The following HTR4 variants were observed in gnomAD, a reference collection of about 807,000 sequenced individuals.
HTR4 encodes 5-hydroxytryptamine receptor 4, also known as 5-hydroxytryptamine (serotonin) receptor 4, G protein-coupled.
In HTR4, 16 loss-of-function variants were observed where a neutral mutation model predicts 36.8. That is an observed-to-expected ratio of 0.43 (90% CI 0.29 to 0.66). HTR4 has a LOEUF of 0.66. Ranked by LOEUF, HTR4 falls within the 30% of genes least tolerant of loss-of-function variation. HTR4 has a pLI of 0.13. For missense variants in HTR4, 438 were observed against 490.9 expected (o/e 0.89, Z 1.02); for synonymous variants, 189 against 185.1 (o/e 1.02, Z -0.17).
intron 2 of HTR4, among the ~76,000 whole-genome samples, chr5:148,553,472 T>C (rs1759794018): frequency 6.6e-6 from 1 of 152,194 alleles, no homozygotes; most frequent in Non-Finnish European, 1.5e-5. Flanking sequence ...GAGTTGCAGC[T>C]TGGATAGAGA....
chr5:148,547,035 T>C (rs954799260), intron 4 of HTR4, among the ~76,000 whole-genome samples: 10 of 152,182 alleles, frequency 6.6e-5, no homozygotes, highest in Non-Finnish European at 1.0e-4. Flanking sequence ...TCATTATACA[T>C]GCATTTAACT....
chr5:148,522,809 C>T (rs982546463), intron 5 of HTR4, among the ~76,000 whole-genome samples: 1 of 152,114 alleles, frequency 6.6e-6, no homozygotes, highest in African/African-American at 2.4e-5. Context: ...TAGCAGGGCT[C>T]TTGCTGAAGA....
At chr5:148,487,571 G>A (rs901390332) in intron 6 of HTR4, among the ~76,000 whole-genome samples, 7 of 152,204 alleles carry the variant, frequency 4.6e-5, no homozygotes, top group African/African-American at 1.7e-4. Context: ...GAGGGCAGGA[G>A]TGAGCCAGAG....
At chr5:148,474,394 TC>T (rs1404740498), downstream of HTR4, among the ~76,000 whole-genome samples, 1 of 152,050 alleles carries the variant, frequency 6.6e-6, no homozygotes, top group Non-Finnish European at 1.5e-5. Context: ...GGCATATGGG[TC>T]CCTATTTGTA....
chr5:148,523,353 A>C lies in HTR4; in HGVS notation c.354-7T>G, dbSNP rs756106837. The C allele has an allele frequency of 6.2e-7, 1 of 1,604,328 alleles. No individual in the cohort carries two copies. The highest frequency in any genetic ancestry group is 8.5e-7 in the Non-Finnish European group (1 of 1,176,322). ...GCAGCAGATGGCGTAATACCTGGAG[A>C]GAGAATAGAGGGCAGAGCATAGGCA... On this transcript the variant is annotated splice_polypyrimidine_tract_variant and splice_region_variant and intron_variant, in intron 4 of 6. Transcript: ENST00000377888.
In HTR4 at chr5:148,545,081, T is replaced by A. The variant is rs552239345; in HGVS notation, c.353+3587A>T. Among the ~76,000 whole-genome samples, 4 of 152,204 alleles carry A rather than the reference T, an allele frequency of 2.6e-5. No homozygotes were observed. The South Asian group carries it at 8.3e-4, about 32-fold the overall frequency. ...CAGAGCTAGATGATAAATAAAACCA[T>A]CCTCTTCCAGGCTAAAACATTGCCC... On this transcript the variant is annotated intron_variant, in intron 4 of 6. Transcript: ENST00000377888.
intron 6 of HTR4, among the ~76,000 whole-genome samples, chr5:148,485,322 G>A (rs1214104301): frequency 6.6e-6 from 1 of 152,176 alleles, no homozygotes; most frequent in African/African-American, 2.4e-5. Flanking sequence ...AAATGACAGG[G>A]TCAGACCTTA....
At chr5:148,540,428 A>G (rs1195337866) in intron 4 of HTR4, among the ~76,000 whole-genome samples, 9 of 136,666 alleles carry the variant, frequency 6.6e-5, no homozygotes, top group Non-Finnish European at 1.3e-4. Flanking sequence ...ATATATATAT[A>G]TATATATATA....
intron 2 of HTR4, among the ~76,000 whole-genome samples, chr5:148,573,174 G>T (rs1370626501): frequency 3.3e-5 from 5 of 151,996 alleles, no homozygotes; most frequent in African/African-American, 9.7e-5. Context: ...CAAACTAAGA[G>T]AAAATGAAAG....
intron 4 of HTR4, among the ~76,000 whole-genome samples, chr5:148,537,173 A>G (rs1223197614): frequency 2.6e-5 from 4 of 152,222 alleles, no homozygotes; most frequent in Admixed American, 1.3e-4. Flanking sequence ...AGAAATCAAG[A>G]AGTTCTTTGA....
intron 2 of HTR4, among the ~76,000 whole-genome samples, chr5:148,616,843 A>C (rs1303291706): frequency 1.3e-5 from 2 of 152,166 alleles, no homozygotes; most frequent in African/African-American, 2.4e-5. Context: ...ATAGTTTTTA[A>C]TGACTTCTGC....
chr5:148,652,092 T>C (rs1253311657), intron 1 of HTR4, among the ~76,000 whole-genome samples: 2 of 152,210 alleles, frequency 1.3e-5, no homozygotes, highest in African/African-American at 4.8e-5. Context: ...AGTGATAATA[T>C]CAAAGGTGTT....
At chr5:148,473,537 A>G (rs572202929), downstream of HTR4, among the ~76,000 whole-genome samples, 1 of 152,330 alleles carries the variant, frequency 6.6e-6, no homozygotes, top group Admixed American at 6.5e-5. Context: ...AGAATATAGT[A>G]TCTTAGTGAA....
intron 5 of HTR4, among the ~76,000 whole-genome samples, chr5:148,468,332 GTT>G (rs1239163773): frequency 4.6e-5 from 7 of 152,214 alleles, no homozygotes; most frequent in African/African-American, 1.7e-4. Flanking sequence ...CCTGCTTTGA[GTT>G]TCTAAGAACC....
intron 5 of HTR4, among the ~76,000 whole-genome samples, chr5:148,467,218 G>C (rs1755451824): frequency 1.3e-5 from 2 of 152,108 alleles, no homozygotes; most frequent in South Asian, 4.1e-4. Flanking sequence ...CGTGGAGCTA[G>C]AATTACACAT....
chr5:148,476,158 C>T (rs538614006), downstream of HTR4, among the ~76,000 whole-genome samples: 1 of 152,332 alleles, frequency 6.6e-6, no homozygotes, highest in African/African-American at 2.4e-5. Context: ...GCCTGAATAA[C>T]TCTCACTGGG....
At chr5:148,520,498 T>A (rs1289234820) in intron 5 of HTR4, among the ~76,000 whole-genome samples, 1 of 152,098 alleles carries the variant, frequency 6.6e-6, no homozygotes, top group Non-Finnish European at 1.5e-5. Flanking sequence ...GTTTAGCATA[T>A]AAATTAAGAG....
At chr5:148,589,781 A>G (rs1761487939) in intron 2 of HTR4, among the ~76,000 whole-genome samples, 1 of 152,076 alleles carries the variant, frequency 6.6e-6, no homozygotes. Flanking sequence ...TTTAATATAC[A>G]TACACATTTT....
chr5:148,610,485 A>G (rs1200920190), intron 2 of HTR4, among the ~76,000 whole-genome samples: 1 of 151,984 alleles, frequency 6.6e-6, no homozygotes, highest in Non-Finnish European at 1.5e-5. Context: ...TACAAGGAAA[A>G]CTAACAAACA....
Sources: gnomAD v4.1 joint callset for allele counts (sites outside exome capture counted in the v4.1 genomes callset) on GRCh38, gnomAD v4.1.1 for gene constraint, MANE v1.5 for transcripts, NCBI Gene and HGNC (gene_info 2026-07-23, HGNC 2026-07-21) for gene names.